The following CADM2 variants were observed in gnomAD, a reference collection of about 807,000 sequenced individuals.
The protein encoded by CADM2 is cell adhesion molecule 2.
A neutral mutation model predicts 49.8 loss-of-function variants in CADM2; 12 were observed. The observed-to-expected ratio is 0.24, with a 90% CI of 0.15 to 0.39. CADM2 has a LOEUF of 0.39. CADM2 is among the 10% of genes least tolerant of loss of function. CADM2 has a pLI of 1.00. For synonymous variants in CADM2, 214 were observed against 175.4 expected (o/e 1.22, Z -1.74); for missense variants, 378 against 492.3 (o/e 0.77, Z 2.20).
At chr3:85,405,226 C>T (rs759425083) in intron 1 of CADM2, among the ~76,000 whole-genome samples, 6 of 152,150 alleles carry the variant, frequency 3.9e-5, no homozygotes, top group African/African-American at 1.2e-4. Flanking sequence ...CTATGATTTA[C>T]TCAAAATCTC....
chr3:85,376,203 A>G (rs2033586169), intron 1 of CADM2, among the ~76,000 whole-genome samples: 1 of 152,100 alleles, frequency 6.6e-6, no homozygotes, highest in Non-Finnish European at 1.5e-5. Flanking sequence ...ACACCTCTCT[A>G]AATTACATGC....
intron 8 of CADM2, among the ~76,000 whole-genome samples, chr3:86,026,565 C>T (rs938869807): frequency 3.3e-5 from 5 of 152,150 alleles, no homozygotes; most frequent in African/African-American, 1.2e-4. Context: ...ACTGGTCATA[C>T]TATGCTTTGT....
At chr3:85,520,888 G>A (rs1279088619) in intron 1 of CADM2, among the ~76,000 whole-genome samples, 1 of 151,960 alleles carries the variant, frequency 6.6e-6, no homozygotes, top group Non-Finnish European at 1.5e-5. Context: ...TTTTTGGAAT[G>A]GCTTCTTAGT....
intron 1 of CADM2, among the ~76,000 whole-genome samples, chr3:85,534,949 A>G (rs1483679844): frequency 3.3e-5 from 5 of 152,144 alleles, no homozygotes; most frequent in African/African-American, 7.2e-5. Flanking sequence ...TGAGTGTTAC[A>G]GTGGATAGGC....
At chr3:85,485,519 C>G (rs762522664) in intron 1 of CADM2, among the ~76,000 whole-genome samples, 1 of 151,948 alleles carries the variant, frequency 6.6e-6, no homozygotes, top group Non-Finnish European at 1.5e-5. Context: ...TCAAACTCAT[C>G]GCCATCCTGC....
chr3:85,552,223 TCAAA>T (rs1285723179), intron 1 of CADM2, among the ~76,000 whole-genome samples: 1 of 152,104 alleles, frequency 6.6e-6, no homozygotes, highest in Non-Finnish European at 1.5e-5. Flanking sequence ...TCATTAAAGA[TCAAA>T]CAATTAGGAG....
At chr3:85,011,785 A>G (rs1303264337) in intron 1 of CADM2, among the ~76,000 whole-genome samples, 3 of 151,860 alleles carry the variant, frequency 2.0e-5, no homozygotes, top group Non-Finnish European at 4.4e-5. Context: ...AACTACTTGG[A>G]TGGCTGAGGC....
At chr3:85,530,322 GTTTTTTTTTT>G (rs57504567) in intron 1 of CADM2, among the ~76,000 whole-genome samples, 1 of 31,256 alleles carries the variant, frequency 3.2e-5, no homozygotes, top group Non-Finnish European at 9.1e-5. Context: ...TCTTTTCTCC[GTTTTTTTTTT>G]TTTTTTTTTT....
chr3:85,955,449 T>A (rs1246574071), intron 7 of CADM2, among the ~76,000 whole-genome samples: 2 of 151,450 alleles, frequency 1.3e-5, no homozygotes, highest in African/African-American at 4.8e-5. Context: ...ATTACTGAAC[T>A]TCTTGTTTTT....
intron 1 of CADM2, among the ~76,000 whole-genome samples, chr3:85,697,101 T>TATATATATATGCC (rs2066589167): frequency 2.2e-5 from 3 of 134,350 alleles, no homozygotes; most frequent in South Asian, 2.3e-4. Flanking sequence ...ATATATGCCA[T>TATATATATATGCC]ATATATATAT....
intron 1 of CADM2, among the ~76,000 whole-genome samples, chr3:85,045,196 A>G (rs2035605692): frequency 6.6e-6 from 1 of 152,156 alleles, no homozygotes; most frequent in South Asian, 2.1e-4. Context: ...GGAAATCCTG[A>G]AGCTGAATAT....
chr3:85,265,262 A>G (rs936375873), intron 1 of CADM2, among the ~76,000 whole-genome samples: 4 of 151,936 alleles, frequency 2.6e-5, no homozygotes, highest in African/African-American at 9.7e-5. Flanking sequence ...TTATTGAGCT[A>G]TTTTCATCTC....
chr3:85,568,479 C>CTTTA (rs1264715355), intron 1 of CADM2, among the ~76,000 whole-genome samples: 1 of 50,188 alleles, frequency 2.0e-5, no homozygotes, highest in African/African-American at 4.6e-5. Flanking sequence ...CTCTCTCTTT[C>CTTTA]TTTCTTTCTT....
At chr3:85,492,245 T>G (rs1426893069) in intron 1 of CADM2, among the ~76,000 whole-genome samples, 2 of 152,206 alleles carry the variant, frequency 1.3e-5, no homozygotes. Context: ...CTTTGTTAAT[T>G]TGTTCCCTTT....
chr3:85,864,898 T>C (rs996528340), intron 3 of CADM2, among the ~76,000 whole-genome samples: 12 of 152,326 alleles, frequency 7.9e-5, no homozygotes, highest in Middle Eastern at 6.8e-3. Context: ...TTCTCCTTTT[T>C]ATTCCAACTC....
intron 1 of CADM2, among the ~76,000 whole-genome samples, chr3:85,667,823 G>A (rs897167882): frequency 5.9e-5 from 9 of 151,892 alleles, no homozygotes; most frequent in South Asian, 2.1e-4. Context: ...CTCTATTTCC[G>A]CATCCATACG....
chr3:85,088,516 A>T (rs968577662), intron 1 of CADM2, among the ~76,000 whole-genome samples: 3 of 152,144 alleles, frequency 2.0e-5, no homozygotes, highest in Admixed American at 6.6e-5. Flanking sequence ...TTTCTGGCAT[A>T]TAAGATAATA....
intron 1 of CADM2, among the ~76,000 whole-genome samples, chr3:84,974,118 C>A (rs977113661): frequency 6.6e-6 from 1 of 151,908 alleles, no homozygotes; most frequent in Non-Finnish European, 1.5e-5. Flanking sequence ...GGGAATGATA[C>A]CACATTTCTA....
At chr3:85,128,147 A>C (rs2039099446) in intron 1 of CADM2, among the ~76,000 whole-genome samples, 1 of 152,154 alleles carries the variant, frequency 6.6e-6, no homozygotes, top group Admixed American at 6.5e-5. Flanking sequence ...TTTTAGATTA[A>C]AAATCCATCC....
Sources: gnomAD v4.1 joint callset for allele counts (sites outside exome capture counted in the v4.1 genomes callset) on GRCh38, gnomAD v4.1.1 for gene constraint, MANE v1.5 for transcripts, NCBI Gene and HGNC (gene_info 2026-07-23, HGNC 2026-07-21) for gene names.